STPG4: variants seen among roughly 807,000 people sequenced by gnomAD.
The protein encoded by STPG4 is sperm-tail PG-rich repeat containing 4.
STPG4 carries 41 observed loss-of-function variants against 31.5 expected under a neutral mutation model. The ratio of observed to expected loss-of-function variants is 1.30; its 90% CI spans 1.01 to 1.69. The LOEUF (loss-of-function observed/expected upper bound fraction) is 1.69. Ranked by LOEUF, STPG4 falls within the 40% of genes most tolerant of loss-of-function variation. The probability of loss-of-function intolerance (pLI) is 0.00; values close to 1 mark genes in which losing one functional copy is unlikely to be tolerated. For missense variants in STPG4, 375 were observed against 293.4 expected (o/e 1.28, Z -2.03); for synonymous variants, 141 against 103.0 (o/e 1.37, Z -2.24).
At chr2:47,141,606 G>T (rs998951345) in intron 3 of STPG4, among the ~76,000 whole-genome samples, 2 of 150,794 alleles carry the variant, frequency 1.3e-5, no homozygotes, top group African/African-American at 4.9e-5. Flanking sequence ...TAACCACTTT[G>T]AGTGCTACTT....
chr2:47,108,064 C>A (rs1347001992), intron 5 of STPG4, among the ~76,000 whole-genome samples: 3 of 151,834 alleles, frequency 2.0e-5, no homozygotes, highest in Non-Finnish European at 4.4e-5. Flanking sequence ...TATCTAGCTA[C>A]TCTGGTGGGG....
chr2:47,124,894 A>T (rs1215129112), intron 5 of STPG4, among the ~76,000 whole-genome samples: 1 of 152,226 alleles, frequency 6.6e-6, no homozygotes, highest in East Asian at 1.9e-4. Context: ...CCAACAGTGT[A>T]CAAGGGTTCC....
At chr2:47,128,892 G>A (rs1051388131) in intron 5 of STPG4, 1 of 152,272 alleles carries the variant, frequency 6.6e-6, no homozygotes, top group Non-Finnish European at 1.5e-5. Context: ...GAAAGTGCTG[G>A]ATCACACCTG....
intron 5 of STPG4, among the ~76,000 whole-genome samples, chr2:47,114,777 A>T (rs1308694590): frequency 1.3e-5 from 2 of 151,524 alleles, no homozygotes; most frequent in Admixed American, 6.6e-5. Context: ...TTTTATTTTT[A>T]TTTTTTTTAA....
At chr2:47,129,347 C>CCAGGAA (rs1686426360) in intron 5 of STPG4, 1 of 153,214 alleles carries the variant, frequency 6.5e-6, no homozygotes, top group Non-Finnish European at 1.5e-5. Flanking sequence ...AGCAGAGCAC[C>CCAGGAA]TGAACTTGCC....
At chr2:47,132,542 G>T (rs1264882955) in intron 3 of STPG4, among the ~76,000 whole-genome samples, 1 of 152,188 alleles carries the variant, frequency 6.6e-6, no homozygotes, top group Non-Finnish European at 1.5e-5. Context: ...TGAAATATAT[G>T]CATTTTCCTG....
chr2:47,148,266 T>A (rs1034550066), intron 3 of STPG4, among the ~76,000 whole-genome samples: 17 of 152,016 alleles, frequency 1.1e-4, no homozygotes, highest in Admixed American at 8.5e-4. Context: ...ATATGCCTAA[T>A]AAGACTGTTC....
chr2:47,143,525 G>A (rs374109714), intron 3 of STPG4, among the ~76,000 whole-genome samples: 9 of 148,338 alleles, frequency 6.1e-5, no homozygotes, highest in Non-Finnish European at 1.0e-4. Context: ...TCGCTCTGTC[G>A]CCCAGGCTGG....
At chr2:47,145,179 C>A (rs1686794544) in intron 3 of STPG4, among the ~76,000 whole-genome samples, 1 of 152,170 alleles carries the variant, frequency 6.6e-6, no homozygotes, top group Non-Finnish European at 1.5e-5. Flanking sequence ...TTCAACAGAA[C>A]ACAGCTGAGT....
intron 6 of STPG4, 43 bp from the exon 7 acceptor site, chr2:47,087,173 C>A (rs544535585): frequency 3.9e-6 from 6 of 1,547,036 alleles, no homozygotes; most frequent in Non-Finnish European, 5.2e-6. Context: ...GACAGTGAAA[C>A]CAAAACCCTG....
chr2:47,147,251 C>G (rs1686842525), intron 3 of STPG4, among the ~76,000 whole-genome samples: 1 of 152,190 alleles, frequency 6.6e-6, no homozygotes, highest in Non-Finnish European at 1.5e-5. Context: ...AGCAGTCATG[C>G]AGCTACATGG....
At chr2:47,153,463 GCATT>G (rs1686974751) in intron 1 of STPG4, among the ~76,000 whole-genome samples, 1 of 152,162 alleles carries the variant, frequency 6.6e-6, no homozygotes, top group Non-Finnish European at 1.5e-5. Context: ...TGAGAATAAA[GCATT>G]GTATGCCAGA....
At chr2:47,117,275 T>C (rs868593231) in intron 5 of STPG4, among the ~76,000 whole-genome samples, 1 of 152,304 alleles carries the variant, frequency 6.6e-6, no homozygotes, top group Middle Eastern at 3.4e-3. Context: ...AATGGCACTA[T>C]CTCAGCTCAC....
At chr2:47,096,674 TA>T (rs1158914723) in intron 5 of STPG4, among the ~76,000 whole-genome samples, 4 of 152,178 alleles carry the variant, frequency 2.6e-5, no homozygotes, top group Non-Finnish European at 4.4e-5. Context: ...AAACCAAGCT[TA>T]AAAAGTCAAA....
intron 3 of STPG4, among the ~76,000 whole-genome samples, chr2:47,131,931 G>A (rs150074514): frequency 1.1e-3 from 160 of 152,268 alleles, no homozygotes; most frequent in African/African-American, 3.6e-3. Context: ...TCGGGAAGCC[G>A]AGGCATGTGG....
At chr2:47,127,535 C>T (rs988239150) in intron 5 of STPG4, among the ~76,000 whole-genome samples, 1 of 152,152 alleles carries the variant, frequency 6.6e-6, no homozygotes, top group African/African-American at 2.4e-5. Flanking sequence ...TCCCAAAGTG[C>T]TGGGATTACA....
chr2:47,105,346 A>C (rs888187111), intron 5 of STPG4, among the ~76,000 whole-genome samples: 11 of 152,000 alleles, frequency 7.2e-5, no homozygotes, highest in African/African-American at 2.4e-4. Flanking sequence ...AATACAAGGA[A>C]AGGATCTCAC....
intron 5 of STPG4, among the ~76,000 whole-genome samples, chr2:47,092,688 T>A (rs1685595190): frequency 6.6e-6 from 1 of 150,460 alleles, no homozygotes; most frequent in Non-Finnish European, 1.5e-5. Flanking sequence ...AGCAGTAAGG[T>A]CATAATAGGG....
intron 5 of STPG4, among the ~76,000 whole-genome samples, chr2:47,128,391 G>T (rs1686404947): frequency 6.6e-6 from 1 of 152,172 alleles, no homozygotes; most frequent in Non-Finnish European, 1.5e-5. Flanking sequence ...CTTCAAGGCA[G>T]CATGCTGCCC....
Sources: gnomAD v4.1 joint callset for allele counts (sites outside exome capture counted in the v4.1 genomes callset) on GRCh38, gnomAD v4.1.1 for gene constraint, MANE v1.5 for transcripts, NCBI Gene and HGNC (gene_info 2026-07-23, HGNC 2026-07-21) for gene names.